FOXN1: variants seen among roughly 807,000 people sequenced by gnomAD.
FOXN1 encodes the protein forkhead box N1.
FOXN1 carries 15 observed loss-of-function variants against 49.0 expected under a neutral mutation model. The ratio of observed to expected loss-of-function variants is 0.31; its 90% CI spans 0.20 to 0.47. The LOEUF is 0.47. Among genes scored for constraint, FOXN1 ranks in the 20% least tolerant of loss-of-function variants. The pLI is 1.00. For synonymous variants in FOXN1, 356 were observed against 369.0 expected (o/e 0.96, Z 0.40); for missense variants, 800 against 842.8 (o/e 0.95, Z 0.63).
At chr17:28,524,437 G>T (rs1160649939) in intron 2 of FOXN1, 66 bp from the exon 3 acceptor site, 2 of 1,381,916 alleles carry the variant, frequency 1.4e-6, no homozygotes, top group East Asian at 2.3e-5. Context: ...ACAGAGTAGG[G>T]TCCCAGCCAG....
chr17:28,534,030 C>T lies in FOXN1; in HGVS notation c.928-301C>T, dbSNP rs540823836. On this transcript the variant is annotated intron_variant, in intron 6 of 8. Transcript: ENST00000579795. The surrounding 1 kb of genome is among the most constrained non-coding windows in gnomAD (Gnocchi z 4.1). ...GTTGTGGGTCAGAAGGCCTCTGTAGCGCCCACCAGCCCTGGCTTTCCGAAT... is the reference window on the plus strand; with the variant it reads ...GTTGTGGGTCAGAAGGCCTCTGTAGTGCCCACCAGCCCTGGCTTTCCGAAT... Among the ~76,000 whole-genome samples the T allele has an allele frequency of 4.6e-5, 7 of 152,132 alleles. No homozygotes were observed. In the South Asian group the frequency reaches 6.2e-4, roughly 14 times the overall value.
rs667486 is a variant in FOXN1 at position 28,534,051 on chromosome 17, C to A, written c.928-280C>A. ...GTAGCGCCCACCAGCCCTGGCTTTC[C>A]GAATCACCTCGGCAGTCCTCTGAGG... On this transcript the variant is annotated intron_variant, in intron 6 of 8. Transcript: ENST00000579795. The surrounding 1 kb of genome is among the most constrained non-coding windows in gnomAD (Gnocchi z 4.1). Among the ~76,000 whole-genome samples, 2 of 151,972 alleles carry A rather than the reference C, an allele frequency of 1.3e-5. No homozygotes were observed. Among genetic ancestry groups the A allele is most frequent in the African/African-American group, 4.8e-5 (2 of 41,310 alleles).
chr17:28,524,061 C>A lies in FOXN1; in HGVS notation c.92C>A (p.Pro31Gln), dbSNP rs771909592. 23 of 1,609,278 alleles carry A rather than the reference C, an allele frequency of 1.4e-5. No homozygotes were observed. Among genetic ancestry groups the A allele is most frequent in the Non-Finnish European group, 1.8e-5 (21 of 1,178,930 alleles). Reference protein sequence around the residue: ...GERQGDLMQAPGLPGSPAPQS... With the variant: ...GERQGDLMQAQGLPGSPAPQS... Reference sequence around the variant, plus strand: ...CGCCAAGGGGACCTCATGCAGGCACCGGGCCTCCCAGGCTCCCCTGCCCCA... The same window carrying A: ...CGCCAAGGGGACCTCATGCAGGCACAGGGCCTCCCAGGCTCCCCTGCCCCA... Residue 31 changes from proline (P) to glutamine (Q), a missense_variant, in exon 2 of 9, where the codon CCG becomes CAG. By Grantham distance (76) the Pro-to-Gln change is moderately conservative. Transcript: ENST00000579795.
intron 8 of FOXN1, among the ~76,000 whole-genome samples, chr17:28,535,700 G>T (rs1316724394): frequency 1.3e-5 from 2 of 152,206 alleles, no homozygotes; most frequent in Non-Finnish European, 2.9e-5. Context: ...CCAAGATCGT[G>T]CCACTGCACT....
intron 1 of FOXN1, among the ~76,000 whole-genome samples, chr17:28,509,163 G>A (rs1555606596): frequency 6.6e-6 from 1 of 151,902 alleles, no homozygotes; most frequent in Admixed American, 6.6e-5. Context: ...AATACATTGG[G>A]TCTTTCCAGC....
chr17:28,518,114 CAGGGTACACACCTCCAT>C (rs1338852073), intron 1 of FOXN1, among the ~76,000 whole-genome samples: 8 of 152,142 alleles, frequency 5.3e-5, no homozygotes, highest in Non-Finnish European at 1.2e-4. Context: ...CACACCTCCA[CAGGGTACACACCTCCAT>C]AGGGTACACA....
At chr17:28,509,456 C>T (rs1237515212) in intron 1 of FOXN1, among the ~76,000 whole-genome samples, 4 of 152,214 alleles carry the variant, frequency 2.6e-5, no homozygotes, top group African/African-American at 7.2e-5. Context: ...GGATGGATCT[C>T]CTCCTATGTC....
intron 1 of FOXN1, among the ~76,000 whole-genome samples, chr17:28,517,835 A>G (rs1371499639): frequency 4.4e-5 from 6 of 135,812 alleles, no homozygotes; most frequent in African/African-American, 1.8e-4. Flanking sequence ...CAGGGTACAC[A>G]CCTCCACAGG....
chr17:28,531,146 C>A (rs182165446), intron 6 of FOXN1, among the ~76,000 whole-genome samples: 1 of 152,222 alleles, frequency 6.6e-6, no homozygotes, highest in Admixed American at 6.5e-5. Context: ...GAGCATCCAC[C>A]TACCCCAAGT....
intron 8 of FOXN1, among the ~76,000 whole-genome samples, chr17:28,536,005 G>A (rs2070055471): frequency 5.9e-5 from 9 of 152,158 alleles, no homozygotes; most frequent in Admixed American, 5.2e-4. Flanking sequence ...TGGCTGCTCC[G>A]TCTCTGCAGA....
At chr17:28,509,188 C>T (rs1446835865) in intron 1 of FOXN1, among the ~76,000 whole-genome samples, 2 of 151,808 alleles carry the variant, frequency 1.3e-5, no homozygotes, top group South Asian at 2.1e-4. Context: ...TCATCTCCAT[C>T]CCCTGCCCCT....
chr17:28,521,509 G>A (rs1027083780), intron 1 of FOXN1, among the ~76,000 whole-genome samples: 1 of 152,250 alleles, frequency 6.6e-6, no homozygotes, highest in Non-Finnish European at 1.5e-5. Context: ...GGAGCGGGAG[G>A]TGGGCTGCCC....
chr17:28,523,985 C>A lies in FOXN1; in HGVS notation c.16C>A (p.Pro6Thr), dbSNP rs769333930. MVSLP[P>T]PQSDVTLPGP... Reference sequence around the variant, plus strand: ...GGACTGGGTGATGGTGTCGCTACCCCCGCCGCAGTCTGACGTCACGCTGCC... The same window carrying A: ...GGACTGGGTGATGGTGTCGCTACCCACGCCGCAGTCTGACGTCACGCTGCC... Residue 6 changes from proline to threonine, a missense_variant, in exon 2 of 9, where the codon CCG (proline) becomes ACG (threonine). Physicochemically the swap from Pro to Thr is conservative, Grantham distance 38. This residue lies in a region of FOXN1 where 383 missense variants were observed against 357.9 expected (regional missense o/e 1.07). Coordinates refer to ENST00000579795, the MANE Select transcript of FOXN1 (RefSeq NM_001369369.1). The A allele has an allele frequency of 6.2e-7, 1 of 1,613,248 alleles. No homozygotes were observed. Among genetic ancestry groups the A allele is most frequent in the Non-Finnish European group, 8.5e-7 (1 of 1,179,960 alleles).
At chr17:28,530,662 A>G (rs187018679) in intron 5 of FOXN1, 87 bp from the exon 6 acceptor site, 61 of 783,916 alleles carry the variant, frequency 7.8e-5, no homozygotes, top group Non-Finnish European at 1.2e-4. Flanking sequence ...CCAATCCCAT[A>G]GAGCCTCTCA....
rs1226596195 is a variant in FOXN1 at position 28,538,768 on chromosome 17, A to T, written c.*1332A>T. 2.6e-5 allele frequency: 4 copies of T among 152,188 alleles called. No homozygotes were observed. Among genetic ancestry groups the T allele is most frequent in the Non-Finnish European group, 4.4e-5 (3 of 68,036 alleles). The allele number at this position is 152,188 out of a possible 1,614,324, so 9.4% of individuals were successfully genotyped here. A position where few individuals can be genotyped will look rare whatever the true frequency, so the allele number is the denominator to read the frequency against. The stretch of plus-strand genomic sequence containing the variant: ...CCCCATCGAGGGGGAACCTCAGCCC[A>T]CCCTGGGCCTGGGGGTGACAAGAAC... On this transcript the variant is annotated 3_prime_UTR_variant, in exon 9 of 9. Coordinates refer to ENST00000579795, the MANE Select transcript of FOXN1 (RefSeq NM_001369369.1).
At chr17:28,530,572 A>G (rs2151493308) in intron 5 of FOXN1, among the ~76,000 whole-genome samples, 177 bp from the exon 6 acceptor site, 1 of 152,334 alleles carries the variant, frequency 6.6e-6, no homozygotes, top group Admixed American at 6.5e-5. Flanking sequence ...CTCAGATTCC[A>G]CAAGACCCTC....
Position 28,537,457 on chromosome 17 carries a change from C to T in FOXN1, c.*21C>T. 1 of 1,594,032 alleles carries T rather than the reference C, an allele frequency of 6.3e-7. No individual in the cohort carries two copies. Among genetic ancestry groups the T allele is most frequent in the Non-Finnish European group, 8.6e-7 (1 of 1,162,478 alleles). On this transcript the variant is annotated 3_prime_UTR_variant, in exon 9 of 9. Coordinates refer to ENST00000579795, the MANE Select transcript of FOXN1 (RefSeq NM_001369369.1). ...CATGAGCTGTGCCCAGCTTCGTCAG[C>T]TCCAGCGTTTGCCTGGTCTGGAAGT...
intron 1 of FOXN1, among the ~76,000 whole-genome samples, chr17:28,522,705 G>A (rs1407453369): frequency 6.6e-6 from 1 of 151,968 alleles, no homozygotes; most frequent in Non-Finnish European, 1.5e-5. Context: ...AGGTGTGGTG[G>A]TACAAGCCTG....
chr17:28,511,039 G>T (rs2069385588), intron 1 of FOXN1, among the ~76,000 whole-genome samples: 1 of 152,174 alleles, frequency 6.6e-6, no homozygotes, highest in Non-Finnish European at 1.5e-5. Context: ...CCTGGAGGAA[G>T]GAGCAGCGCA....
Sources: allele counts gnomAD v4.1 joint callset (sites outside exome capture counted in the v4.1 genomes callset), GRCh38; gene constraint gnomAD v4.1.1; regional missense constraint gnomAD v4.1.1; non-coding constraint Gnocchi (gnomAD v3.1); transcripts MANE v1.5; gene names NCBI Gene and HGNC (gene_info 2026-07-23, HGNC 2026-07-21).